The following GMFB variants were observed in gnomAD, a reference collection of about 807,000 sequenced individuals.
GMFB encodes GMF-beta.
In GMFB, 13 loss-of-function variants were observed where a neutral mutation model predicts 25.6. The observed-to-expected ratio is 0.51, with a 90% CI of 0.33 to 0.81. The LOEUF (loss-of-function observed/expected upper bound fraction) is 0.81. GMFB is among the 30% of genes least tolerant of loss of function. The pLI is 0.02. For synonymous variants in GMFB, 57 were observed against 56.9 expected (o/e 1.00, Z 0.00); for missense variants, 146 against 175.4 (o/e 0.83, Z 0.95).
chr14:54,481,558 A>G (rs1348087544), intron 3 of GMFB, 100 bp from the exon 4 acceptor site: 11 of 714,304 alleles, frequency 1.5e-5, no homozygotes, highest in Non-Finnish European at 2.5e-5. Context: ...TAAATTTATT[A>G]CCACATGCTA....
At chr14:54,479,979 A>G in intron 5 of GMFB, 120 bp from the exon 6 acceptor site, 1 of 650,366 alleles carries the variant, frequency 1.5e-6, no homozygotes, top group Non-Finnish European at 2.8e-6. Context: ...AGTTTACAGA[A>G]TATATATGGG....
intron 1 of GMFB, among the ~76,000 whole-genome samples, chr14:54,487,486 C>A (rs1014570642): frequency 6.6e-6 from 1 of 151,788 alleles, no homozygotes; most frequent in South Asian, 2.1e-4. Context: ...TTGCAGTGAG[C>A]GGAGATCGCG....
In GMFB at chr14:54,475,112, T is replaced by C. The variant is rs184608498; in HGVS notation, c.*2976A>G. On this transcript the variant is annotated 3_prime_UTR_variant, in exon 7 of 7. Coordinates refer to ENST00000358056, the MANE Select transcript of GMFB (RefSeq NM_004124.3). ...AGTTACTCTCTACTTCCACCAAATA[T>C]CAGCATTTAAACTCTTATGAAAATA... 2 of 152,698 alleles carry C rather than the reference T, an allele frequency of 1.3e-5. No homozygotes were observed. The highest frequency in any genetic ancestry group is 1.3e-4 in the Admixed American group (2 of 15,290). 9.5% of individuals were successfully genotyped at this position (152,698 alleles called of 1,614,324 possible). A position where few individuals can be genotyped will look rare whatever the true frequency, so the allele number is the denominator to read the frequency against.
At chr14:54,484,995 C>A (rs2140035446) in intron 1 of GMFB, among the ~76,000 whole-genome samples, 1 of 151,964 alleles carries the variant, frequency 6.6e-6, no homozygotes, top group East Asian at 1.9e-4. Flanking sequence ...TAAAAACCCT[C>A]AACAAATTGG....
rs2031665409 is a variant in GMFB, at chr14:54,478,165, A to G, written c.358-6T>C. Reference sequence around the variant, plus strand: ...GTATTTCTTATTTCAAATACCTTTAAAAAAAAAAAAAACTTGGGTCATACT... The same window carrying G: ...GTATTTCTTATTTCAAATACCTTTAGAAAAAAAAAAAACTTGGGTCATACT... On this transcript the variant is annotated splice_polypyrimidine_tract_variant and splice_region_variant and intron_variant, in intron 6 of 6. Transcript: ENST00000358056. 1 of 1,135,490 alleles carries G rather than the reference A, an allele frequency of 8.8e-7. No individual in the cohort carries two copies. Among genetic ancestry groups the G allele is most frequent in the Non-Finnish European group, 1.2e-6 (1 of 833,336 alleles). The allele number at this position is 1,135,490 out of a possible 1,614,324, so 70.3% of individuals were successfully genotyped here. A position where few individuals can be genotyped will look rare whatever the true frequency, so the allele number is the denominator to read the frequency against.
chr14:54,481,082 C>T, intron 4 of GMFB, 126 bp from the exon 5 acceptor site: 1 of 579,074 alleles, frequency 1.7e-6, no homozygotes, highest in Non-Finnish European at 3.1e-6. Context: ...ATTATCTTTC[C>T]ACAAAATTAA....
At chr14:54,478,730 C>T (rs1046552064) in intron 6 of GMFB, 1 of 152,142 alleles carries the variant, frequency 6.6e-6, no homozygotes, top group Non-Finnish European at 1.5e-5. Context: ...CTAGACAGAG[C>T]TAAATCCTAG....
At chr14:54,482,054 G>T (rs1440244786) in intron 3 of GMFB, 99 bp downstream of exon 3, 3 of 757,586 alleles carry the variant, frequency 4.0e-6, no homozygotes, top group Admixed American at 4.1e-5. Context: ...TTTAAAGGAG[G>T]TTCAAGATTC....
intron 3 of GMFB, among the ~76,000 whole-genome samples, chr14:54,481,833 G>C (rs1159140398): frequency 1.3e-5 from 2 of 152,120 alleles, no homozygotes; most frequent in Non-Finnish European, 2.9e-5. Flanking sequence ...TGACAAACCA[G>C]ATATTTAAAT....
chr14:54,486,086 C>T (rs1378102200), intron 1 of GMFB, among the ~76,000 whole-genome samples: 3 of 152,042 alleles, frequency 2.0e-5, no homozygotes, highest in African/African-American at 7.2e-5. Flanking sequence ...CCCGTCTCTA[C>T]TAAAAATACA....
At chr14:54,488,311 A>G (rs1390726098) in intron 1 of GMFB, among the ~76,000 whole-genome samples, 3 of 152,230 alleles carry the variant, frequency 2.0e-5, no homozygotes, top group African/African-American at 7.2e-5. Context: ...AACTAAAGTT[A>G]TTGACAATTA....
intron 1 of GMFB, among the ~76,000 whole-genome samples, chr14:54,487,332 C>A (rs2140037147): frequency 6.6e-6 from 1 of 151,404 alleles, no homozygotes; most frequent in East Asian, 2.0e-4. Context: ...GAGATCGAGA[C>A]CATCCTGGCT....
chr14:54,488,854 C>T, intron 1 of GMFB, 71 bp downstream of exon 1: 2 of 1,405,924 alleles, frequency 1.4e-6, no homozygotes, highest in Non-Finnish European at 1.9e-6. Context: ...CCGCCGGCTC[C>T]GGAAACCGGG....
intron 1 of GMFB, among the ~76,000 whole-genome samples, chr14:54,487,314 G>A (rs1482693856): frequency 1.4e-5 from 2 of 147,068 alleles, no homozygotes; most frequent in Non-Finnish European, 3.0e-5. Flanking sequence ...GGTGGATCAC[G>A]AGGTCAGGAG....
intron 1 of GMFB, among the ~76,000 whole-genome samples, chr14:54,487,973 G>C (rs2031811104): frequency 6.6e-6 from 1 of 152,198 alleles, no homozygotes; most frequent in South Asian, 2.1e-4. Flanking sequence ...AGCCAAAGGG[G>C]AAGAATGAAG....
At chr14:54,481,333 T>C in intron 4 of GMFB, 76 bp downstream of exon 4, 2 of 922,152 alleles carry the variant, frequency 2.2e-6, no homozygotes, top group Non-Finnish European at 3.6e-6. Flanking sequence ...TACTTTTAGA[T>C]GTTTAACAAA....
intron 1 of GMFB, among the ~76,000 whole-genome samples, chr14:54,487,249 G>C (rs2031795589): frequency 6.7e-6 from 1 of 149,232 alleles, no homozygotes; most frequent in African/African-American, 2.5e-5. Flanking sequence ...TACAAAATTA[G>C]GGCCGGGCGC....
At chr14:54,484,007 G>T (rs2031750096) in intron 1 of GMFB, 1 of 598,764 alleles carries the variant, frequency 1.7e-6, no homozygotes, top group Admixed American at 2.2e-5. Flanking sequence ...CTTTCTCTTT[G>T]GCTAATGAAT....
At chr14:54,485,540 T>G (rs918731699) in intron 1 of GMFB, among the ~76,000 whole-genome samples, 14 of 152,144 alleles carry the variant, frequency 9.2e-5, no homozygotes, top group Admixed American at 7.2e-4. Context: ...AATGGAAAGA[T>G]TCCAAGCTCA....
Sources: gnomAD v4.1 joint callset for allele counts (sites outside exome capture counted in the v4.1 genomes callset) on GRCh38, gnomAD v4.1.1 for gene constraint, MANE v1.5 for transcripts, NCBI Gene and HGNC (gene_info 2026-07-23, HGNC 2026-07-21) for gene names.